Variants in NEK10 observed in about 807,000 individuals in gnomAD.
The protein encoded by NEK10 is NIMA related kinase 10.
NEK10 carries 122 observed loss-of-function variants against 159.8 expected under a neutral mutation model. That is an observed-to-expected ratio of 0.76 (90% CI 0.66 to 0.89). The LOEUF is 0.89. NEK10 is among the 40% of genes least tolerant of loss of function. The probability of loss-of-function intolerance (pLI) is 0.00; values close to 1 mark genes in which losing one functional copy is unlikely to be tolerated. For synonymous variants in NEK10, 466 were observed against 457.1 expected, an observed-to-expected ratio of 1.02 and a Z score of -0.25; for missense variants, 1,342 against 1,323.1, an observed-to-expected ratio of 1.01 and a Z score of -0.22.
At position 27,292,275 on chromosome 3, in the gene NEK10, T is replaced by C. The variant is rs529510567; in HGVS notation, c.1374-689A>G. Among the ~76,000 whole-genome samples the C allele has an allele frequency of 2.0e-5, 3 of 152,270 alleles. No individual in the cohort carries two copies. In the South Asian group the frequency reaches 6.2e-4, roughly 32 times the overall value. On this transcript the variant is annotated intron_variant, in intron 16 of 35. Coordinates refer to ENST00000691995, the MANE Select transcript of NEK10 (RefSeq NM_001394966.1). ...TGTAAGATATTTGGGGGTATAGGCA[T>C]TGAATACATTAGAAGGAAACATTTA...
At chr3:27,115,815 T>C (rs1940327323) in intron 35 of NEK10, 125 bp downstream of exon 35, 1 of 702,810 alleles carries the variant, frequency 1.4e-6, no homozygotes, top group African/African-American at 1.8e-5. Flanking sequence ...CCAAGATATT[T>C]TATAAAAGTA....
intron 29 of NEK10, among the ~76,000 whole-genome samples, chr3:27,165,338 C>T (rs533767259): frequency 7.2e-5 from 11 of 152,172 alleles, no homozygotes; most frequent in Non-Finnish European, 1.5e-4. Flanking sequence ...GTTGGGTTCA[C>T]AGATGGACAA....
intron 22 of NEK10, chr3:27,278,817 A>G: frequency 1.0e-6 from 1 of 985,382 alleles, no homozygotes; most frequent in African/African-American, 1.7e-5. Context: ...AAATTCCCTC[A>G]AGAGTCATTT....
intron 28 of NEK10, among the ~76,000 whole-genome samples, chr3:27,174,159 T>C (rs571025149): frequency 1.1e-3 from 166 of 152,326 alleles, no homozygotes; most frequent in African/African-American, 3.7e-3. Flanking sequence ...GTTATTTGGC[T>C]GTCTCCAAGT....
intron 1 of NEK10, among the ~76,000 whole-genome samples, chr3:27,367,728 G>C (rs1407142390): frequency 3.9e-5 from 6 of 152,164 alleles, no homozygotes; most frequent in African/African-American, 9.7e-5. Context: ...CCGTCACAGA[G>C]GCAGTCCAGA....
intron 29 of NEK10, among the ~76,000 whole-genome samples, chr3:27,167,295 AC>A (rs1289609937): frequency 1.3e-5 from 2 of 152,240 alleles, no homozygotes; most frequent in African/African-American, 4.8e-5. Flanking sequence ...CTATTAATTA[AC>A]AAGTATCTGT....
At chr3:27,351,847 C>T (rs1331788838) in intron 3 of NEK10, among the ~76,000 whole-genome samples, 1 of 151,928 alleles carries the variant, frequency 6.6e-6, no homozygotes, top group South Asian at 2.1e-4. Flanking sequence ...TGCTGTTCCC[C>T]AAGCCTCCCT....
chr3:27,107,439 C>T lies in NEK10; in HGVS notation c.*3833G>A, dbSNP rs191413696. Among the ~76,000 whole-genome samples the T allele has an allele frequency of 1.3e-5, 2 of 152,146 alleles. No homozygotes were observed. The highest frequency in any genetic ancestry group is 3.9e-4 in the East Asian group (2 of 5,184). On this transcript the variant is annotated 3_prime_UTR_variant, in exon 36 of 36. Coordinates refer to ENST00000691995, the MANE Select transcript of NEK10 (RefSeq NM_001394966.1). ...GTCTTCCTATCAATATGAAAAACAG[C>T]GTTCAAGTGTAAGCATATTGTTAGC...
intron 23 of NEK10, among the ~76,000 whole-genome samples, chr3:27,236,405 C>T (rs1953918116): frequency 6.6e-6 from 1 of 152,048 alleles, no homozygotes; most frequent in Non-Finnish European, 1.5e-5. Context: ...TTTGCAGCAA[C>T]TTGGGTGGAG....
At chr3:27,162,815 T>A in intron 29 of NEK10, 77 bp from the exon 30 acceptor site, 1 of 1,588,948 alleles carries the variant, frequency 6.3e-7, no homozygotes, top group Non-Finnish European at 8.6e-7. Flanking sequence ...CATCTTGCTA[T>A]GGTCTACATT....
intron 6 of NEK10, among the ~76,000 whole-genome samples, chr3:27,317,846 A>G (rs899977482): frequency 1.3e-5 from 2 of 151,996 alleles, no homozygotes; most frequent in Non-Finnish European, 2.9e-5. Context: ...TCTGTTGCCC[A>G]GGCTGGAGTG....
At chr3:27,263,888 T>A (rs1470081769) in intron 22 of NEK10, among the ~76,000 whole-genome samples, 2 of 152,188 alleles carry the variant, frequency 1.3e-5, no homozygotes, top group African/African-American at 2.4e-5. Context: ...AATGCAGAAG[T>A]CACCCGTCTT....
At position 27,192,028 on chromosome 3, in the gene NEK10, C is replaced by T. The variant is rs768160759; in HGVS notation, c.2505+1G>A. ...GAACCGATTGAAATATTTGCACTTA[C>T]GTGAGATAGAACAGCCAGCTCATGG... On this transcript the variant is annotated splice_donor_variant, in intron 26 of 35. Transcript: ENST00000691995. LOFTEE classifies it high-confidence loss of function. The T allele has an allele frequency of 8.1e-6, 13 of 1,613,846 alleles. 1 individual carries two copies. The highest frequency in any genetic ancestry group is 4.4e-5 in the South Asian group (4 of 91,076).
chr3:27,149,173 T>G (rs985989962), intron 30 of NEK10, among the ~76,000 whole-genome samples: 10 of 152,096 alleles, frequency 6.6e-5, no homozygotes, highest in Middle Eastern at 3.4e-3. Flanking sequence ...CCTCACTGCT[T>G]CTGATTACTT....
At chr3:27,353,838 C>A (rs567900899) in intron 1 of NEK10, among the ~76,000 whole-genome samples, 1 of 152,002 alleles carries the variant, frequency 6.6e-6, no homozygotes, top group South Asian at 2.1e-4. Flanking sequence ...AAAACCCACT[C>A]GTGAACTTTA....
At chr3:27,316,534 C>G (rs1307535175) in intron 6 of NEK10, among the ~76,000 whole-genome samples, 1 of 151,810 alleles carries the variant, frequency 6.6e-6, no homozygotes, top group Non-Finnish European at 1.5e-5. Context: ...GAGGTGAGGG[C>G]AAAAGACTAA....
Position 27,256,296 on chromosome 3 carries a change from C to T in NEK10, c.2090G>A (p.Cys697Tyr). The T allele has an allele frequency of 1.4e-6, 2 of 1,475,710 alleles. No individual in the cohort carries two copies. Among genetic ancestry groups the T allele is most frequent in the Non-Finnish European group, 9.1e-7 (1 of 1,100,548 alleles). 91.4% of individuals were successfully genotyped at this position (1,475,710 alleles called of 1,614,324 possible). A position where few individuals can be genotyped will look rare whatever the true frequency, so the allele number is the denominator to read the frequency against. The change falls in exon 23 of 36, where the codon TGC becomes TAC. Residue 697 changes from cysteine (C) to tyrosine (Y), a missense_variant and splice_region_variant. Cys to Tyr is a radical substitution (Grantham distance 194). Coordinates refer to ENST00000691995, the MANE Select transcript of NEK10 (RefSeq NM_001394966.1). ...AGAGCCATAAAAGAATTGTCCTTAC[C>T]AAGAATACAGGATTGTTCCAACCAC... ...TSVVGTILYS[C>Y]PEVLKSEPYG...
At chr3:27,337,029 G>C (rs999724141) in intron 5 of NEK10, among the ~76,000 whole-genome samples, 2 of 147,960 alleles carry the variant, frequency 1.4e-5, no homozygotes, top group Admixed American at 6.6e-5. Flanking sequence ...TACACATTTG[G>C]CGGGGGGGAA....
chr3:27,285,563 G>A (rs2042529977), intron 20 of NEK10, among the ~76,000 whole-genome samples: 1 of 151,536 alleles, frequency 6.6e-6, no homozygotes, highest in Non-Finnish European at 1.5e-5. Flanking sequence ...AACAAAACTG[G>A]ACTTCTCCAG....
Sources: gnomAD v4.1 joint callset for allele counts (sites outside exome capture counted in the v4.1 genomes callset) on GRCh38, gnomAD v4.1.1 for gene constraint, MANE v1.5 for transcripts, NCBI Gene and HGNC (gene_info 2026-07-23, HGNC 2026-07-21) for gene names.